Variants in SEC14L5 observed in about 807,000 individuals in gnomAD.
SEC14L5 encodes SEC14-like protein 5.
Under a neutral mutation model 84.6 loss-of-function variants are expected in SEC14L5, and 96 were observed. The observed-to-expected ratio is 1.13, with a 90% CI of 0.96 to 1.34. SEC14L5 has a LOEUF of 1.34. Among genes scored for constraint, SEC14L5 ranks in the 40% most tolerant of loss-of-function variants. The pLI is 0.00. For synonymous variants in SEC14L5, 546 were observed against 383.4 expected, an observed-to-expected ratio of 1.42 and a Z score of -4.95; for missense variants, 1,224 against 942.5, an observed-to-expected ratio of 1.30 and a Z score of -3.91.
At chr16:4,964,034 G>A (rs1376144641) in intron 2 of SEC14L5, among the ~76,000 whole-genome samples, 1 of 152,200 alleles carries the variant, frequency 6.6e-6, no homozygotes, top group African/African-American at 2.4e-5. Flanking sequence ...TCAAAACAAT[G>A]AGCTTTTATT....
intron 6 of SEC14L5, among the ~76,000 whole-genome samples, chr16:4,992,245 CTCTTTTCTTT>C (rs924974206): frequency 1.4e-5 from 2 of 147,332 alleles, no homozygotes; most frequent in African/African-American, 2.7e-5. Context: ...CTTTTCTTTT[CTCTTTTCTTT>C]TCTTTTCTTT....
At chr16:4,994,419 C>A (rs1165191851) in intron 6 of SEC14L5, among the ~76,000 whole-genome samples, 1 of 152,102 alleles carries the variant, frequency 6.6e-6, no homozygotes, top group African/African-American at 2.4e-5. Context: ...TCTCAGCTCA[C>A]TGCAACCTCC....
Position 5,015,081 on chromosome 16 carries a change from C to T in SEC14L5, c.*111C>T, listed in dbSNP as rs1250467733. 3 of 806,982 alleles carry T rather than the reference C, an allele frequency of 3.7e-6. No homozygotes were observed. The highest frequency in any genetic ancestry group is 3.4e-5 in the African/African-American group (2 of 58,588). The allele number at this position is 806,982 out of a possible 1,614,324, so 50.0% of individuals were successfully genotyped here. ...GACCATGTGGGCTGGAGCCCCAGGC[C>T]TAGATGCTGCCCAAGTTGGGGTGTC... On this transcript the variant is annotated 3_prime_UTR_variant, in exon 16 of 16. Transcript: ENST00000251170.
chr16:4,983,432 T>C (rs1955447697), intron 2 of SEC14L5, among the ~76,000 whole-genome samples: 1 of 145,524 alleles, frequency 6.9e-6, no homozygotes, highest in Non-Finnish European at 1.5e-5. Context: ...GATCTATATT[T>C]ATTTATATTC....
chr16:4,959,321 A>AGCTCC lies in SEC14L5; in HGVS notation c.-3_-2insGCTCC, dbSNP rs1303612661. 1.2e-6 allele frequency: 2 copies of AGCTCC among 1,613,386 alleles called. No individual in the cohort carries two copies. The highest frequency in any genetic ancestry group is 1.7e-6 in the Non-Finnish European group (2 of 1,179,502). ...TGACCTCCATTGGTGCTCCAGCGTG[A>AGCTCC]ACATGGTGCAAAGATACCAGTCTCC... On this transcript the variant is annotated 5_prime_UTR_variant, in exon 2 of 16. Coordinates refer to ENST00000251170, the MANE Select transcript of SEC14L5 (RefSeq NM_014692.2).
At chr16:4,988,012 G>T (rs1955511710) in intron 3 of SEC14L5, 137 bp from the exon 4 acceptor site, 1 of 939,868 alleles carries the variant, frequency 1.1e-6, no homozygotes, top group East Asian at 2.6e-5. Flanking sequence ...CCTGGGTCCG[G>T]GCTGGGTGGG....
chr16:4,997,088 A>C (rs1218263533), intron 8 of SEC14L5, 44 bp downstream of exon 8: 3 of 1,420,230 alleles, frequency 2.1e-6, no homozygotes, highest in East Asian at 2.4e-5. Flanking sequence ...TACTTTGGTC[A>C]CTGCCAAATG....
intron 2 of SEC14L5, among the ~76,000 whole-genome samples, chr16:4,972,217 G>A (rs1016804721): frequency 6.6e-6 from 1 of 151,988 alleles, no homozygotes; most frequent in East Asian, 1.9e-4. Context: ...TGCCCAGGCT[G>A]GTCTCAAACT....
At chr16:4,995,919 C>A (rs1440895989) in intron 6 of SEC14L5, among the ~76,000 whole-genome samples, 3 of 152,144 alleles carry the variant, frequency 2.0e-5, no homozygotes, top group Non-Finnish European at 4.4e-5. Flanking sequence ...AGCCACCACT[C>A]ACAGCAGTTT....
chr16:5,006,239 T>C lies in SEC14L5; in HGVS notation c.1437+191T>C, dbSNP rs79814834. ...CTTTAGAAGCTGCTTCAAAGAGAGGTGATGCTGTTCTGAGGTTGGGCCTTA... is the reference window on the plus strand; with the variant it reads ...CTTTAGAAGCTGCTTCAAAGAGAGGCGATGCTGTTCTGAGGTTGGGCCTTA... On this transcript the variant is annotated intron_variant, in intron 12 of 15. Coordinates refer to ENST00000251170, the MANE Select transcript of SEC14L5 (RefSeq NM_014692.2). 5.2e-3 allele frequency among the ~76,000 whole-genome samples: 790 copies of C among 152,190 alleles called. 4 individuals are homozygous for C. Among genetic ancestry groups the C allele is most frequent in the African/African-American group, 0.018 (752 of 41,496 alleles).
intron 2 of SEC14L5, among the ~76,000 whole-genome samples, chr16:4,976,421 A>G (rs1286821658): frequency 6.6e-6 from 1 of 152,218 alleles, no homozygotes; most frequent in Non-Finnish European, 1.5e-5. Context: ...AGCACTGCAA[A>G]TTCAGGGATA....
At chr16:4,966,586 C>G (rs545579025) in intron 2 of SEC14L5, among the ~76,000 whole-genome samples, 1 of 152,236 alleles carries the variant, frequency 6.6e-6, no homozygotes, top group Admixed American at 6.5e-5. Flanking sequence ...AGACACTGCT[C>G]TGAGTCTATT....
In SEC14L5 at chr16:4,990,912, G is replaced by A. The variant is rs761394578; in HGVS notation, c.474+17G>A. 24 of 1,548,708 alleles carry A rather than the reference G, an allele frequency of 1.5e-5. No individual in the cohort carries two copies. In the South Asian group the frequency reaches 2.2e-4, roughly 14 times the overall value. The stretch of plus-strand genomic sequence containing the variant: ...GTCAAGAGGGTAAGCGGTGGGTTGC[G>A]TTAGTTACTGGAGGAAGGTGCACAC... On this transcript the variant is annotated intron_variant, in intron 5 of 15. Transcript: ENST00000251170.
intron 6 of SEC14L5, among the ~76,000 whole-genome samples, chr16:4,995,621 TC>T: frequency 7.2e-6 from 1 of 139,860 alleles, no homozygotes; most frequent in Non-Finnish European, 1.5e-5. Context: ...TCTCTCTCTC[TC>T]TCTTTTTTTT....
At chr16:4,987,754 G>A (rs1284709597) in intron 3 of SEC14L5, 48 bp downstream of exon 3, 8 of 1,386,094 alleles carry the variant, frequency 5.8e-6, no homozygotes, top group East Asian at 2.7e-5. Context: ...CTGTTGCGGA[G>A]GTGCGGGAGG....
At position 5,016,395 on chromosome 16, in the gene SEC14L5, C is replaced by T. The variant is rs1955875423; in HGVS notation, c.*1425C>T. 2.6e-5 allele frequency: 4 copies of T among 152,160 alleles called. No individual in the cohort carries two copies. Among genetic ancestry groups the T allele is most frequent in the African/African-American group, 7.2e-5 (3 of 41,430 alleles). 9.4% of individuals were successfully genotyped at this position (152,160 alleles called of 1,614,324 possible). ...GAATGGTTTAAAAATTGAGGCATTT[C>T]GCATCGAAATCAGGATTTCTGGCTT... On this transcript the variant is annotated 3_prime_UTR_variant, in exon 16 of 16. Coordinates refer to ENST00000251170, the MANE Select transcript of SEC14L5 (RefSeq NM_014692.2).
intron 2 of SEC14L5, among the ~76,000 whole-genome samples, chr16:4,974,449 C>T (rs905306955): frequency 3.9e-5 from 6 of 152,116 alleles, no homozygotes; most frequent in East Asian, 3.9e-4. Flanking sequence ...AGCGATTCTC[C>T]GACCTCGACC....
At chr16:5,000,326 G>C (rs1384317826) in intron 8 of SEC14L5, among the ~76,000 whole-genome samples, 1 of 152,154 alleles carries the variant, frequency 6.6e-6, no homozygotes, top group African/African-American at 2.4e-5. Context: ...TTGTAGAGAA[G>C]AGGTCTCATT....
At chr16:4,983,158 A>G (rs1434064057) in intron 2 of SEC14L5, among the ~76,000 whole-genome samples, 2 of 151,928 alleles carry the variant, frequency 1.3e-5, no homozygotes, top group Non-Finnish European at 2.9e-5. Flanking sequence ...ATGTGCCACC[A>G]TGCCCAGCTA....
Sources: gnomAD v4.1 joint callset for allele counts (sites outside exome capture counted in the v4.1 genomes callset) on GRCh38, gnomAD v4.1.1 for gene constraint, MANE v1.5 for transcripts, NCBI Gene and HGNC (gene_info 2026-07-23, HGNC 2026-07-21) for gene names.